SPTA1: variants seen among roughly 807,000 people sequenced by gnomAD.
SPTA1 encodes spectrin alpha chain, erythrocytic 1.
Under a neutral mutation model 324.7 loss-of-function variants are expected in SPTA1, and 177 were observed. The observed-to-expected ratio is 0.55, with a 90% CI of 0.48 to 0.62. SPTA1 has a LOEUF of 0.62. Among genes scored for constraint, SPTA1 ranks in the 20% least tolerant of loss-of-function variants. SPTA1 has a pLI of 0.00. For missense variants in SPTA1, 3,162 were observed against 2,883.6 expected, an observed-to-expected ratio of 1.10 and a Z score of -2.21; for synonymous variants, 1,195 against 1,041.3, an observed-to-expected ratio of 1.15 and a Z score of -2.84.
chr1:158,653,764 G>A (rs1167199137), intron 21 of SPTA1, among the ~76,000 whole-genome samples: 3 of 151,990 alleles, frequency 2.0e-5, no homozygotes, highest in Admixed American at 1.3e-4. Flanking sequence ...GGATTTCTTG[G>A]CAGTGGAGCG....
At chr1:158,659,597 T>TATGAAAATA (rs1449342226) in intron 18 of SPTA1, among the ~76,000 whole-genome samples, 1 of 58,618 alleles carries the variant, frequency 1.7e-5, no homozygotes, top group Admixed American at 2.0e-4. Flanking sequence ...TTAGCATTAT[T>TATGAAAATA]TTTTTTTTTT....
intron 8 of SPTA1, 61 bp from the exon 9 acceptor site, chr1:158,674,736 A>T: frequency 6.2e-7 from 1 of 1,604,648 alleles, no homozygotes; most frequent in Non-Finnish European, 8.5e-7. Flanking sequence ...GACATTGAAC[A>T]AAGATTTAGG....
chr1:158,632,957 G>A (rs745563883), intron 39 of SPTA1, among the ~76,000 whole-genome samples: 1 of 152,162 alleles, frequency 6.6e-6, no homozygotes, highest in Non-Finnish European at 1.5e-5. Flanking sequence ...TGGTTCGACT[G>A]TGATATTCTT....
At chr1:158,643,234 G>T (rs948099058) in intron 31 of SPTA1, 88 bp downstream of exon 31, 4 of 1,458,238 alleles carry the variant, frequency 2.7e-6, no homozygotes, top group Non-Finnish European at 2.9e-6. Flanking sequence ...ATGACAGGAA[G>T]CCAGAGTATT....
At chr1:158,625,732 C>T (rs1169665084) in intron 42 of SPTA1, among the ~76,000 whole-genome samples, 1 of 151,502 alleles carries the variant, frequency 6.6e-6, no homozygotes, top group Non-Finnish European at 1.5e-5. Flanking sequence ...TAAAGCTTTG[C>T]TTTGGGAAAA....
In SPTA1 at chr1:158,648,665, G is replaced by A. The variant is rs2246434; in HGVS notation, c.3570-12C>T. The A allele has an allele frequency of 0.25, 397,986 of 1,612,600 alleles. 51,402 individuals carry two copies. Among genetic ancestry groups the A allele is most frequent in the East Asian group, 0.37 (16,790 of 44,802 alleles). On this transcript the variant is annotated splice_polypyrimidine_tract_variant and intron_variant, in intron 25 of 51. Coordinates refer to ENST00000643759, the MANE Select transcript of SPTA1 (RefSeq NM_003126.4). ...TGTCATCTGCTTCTCTGGTATACAA[G>A]AGAGTAGAGAGTTCAAAAGTAAGGA... is the stretch of plus-strand genomic sequence containing the variant.
intron 39 of SPTA1, among the ~76,000 whole-genome samples, chr1:158,628,159 C>T (rs937288449): frequency 2.6e-5 from 4 of 152,122 alleles, no homozygotes; most frequent in Admixed American, 2.0e-4. Flanking sequence ...CTGCCACTGA[C>T]GATTACTCCA....
At chr1:158,662,490 C>G (rs1239342893) in intron 17 of SPTA1, among the ~76,000 whole-genome samples, 1 of 152,172 alleles carries the variant, frequency 6.6e-6, no homozygotes, top group Admixed American at 6.5e-5. Flanking sequence ...GCCCTAAATT[C>G]ATGGCATTGC....
Position 158,669,476 on chromosome 1 carries a change from C to T in SPTA1, c.1765G>A (p.Glu589Lys), listed in dbSNP as rs1653846421. ...CAGTTCTTTAGGTCATCTGAGTCCT[C>T]ATACAGTTTTTGCAGAAGCAATGAC... ...KESLLLQKLY[E>K]DSDDLKNWIN... Residue 589 changes from glutamate to lysine, a missense_variant, in exon 14 of 52, where the codon GAG becomes AAG. Glu to Lys is a moderately conservative substitution (Grantham distance 56). Coordinates refer to ENST00000643759, the MANE Select transcript of SPTA1 (RefSeq NM_003126.4). 2 of 1,614,066 alleles carry T rather than the reference C, an allele frequency of 1.2e-6. No individual in the cohort carries two copies. Among genetic ancestry groups the T allele is most frequent in the Admixed American group, 1.7e-5 (1 of 60,006 alleles).
At chr1:158,679,014 T>G (rs1010897223) in intron 5 of SPTA1, among the ~76,000 whole-genome samples, 8 of 152,200 alleles carry the variant, frequency 5.3e-5, no homozygotes, top group Non-Finnish European at 1.2e-4. Flanking sequence ...CTTTCACGTA[T>G]GATTTTGCAT....
At chr1:158,680,459 G>A in intron 5 of SPTA1, 124 bp downstream of exon 5, 1 of 1,386,278 alleles carries the variant, frequency 7.2e-7, no homozygotes, top group Non-Finnish European at 1.0e-6. Context: ...GTTACTCCAG[G>A]AACATGCCAA....
At chr1:158,631,886 T>C (rs1201111581) in intron 39 of SPTA1, among the ~76,000 whole-genome samples, 2 of 152,150 alleles carry the variant, frequency 1.3e-5, no homozygotes, top group East Asian at 3.8e-4. Flanking sequence ...ACAACATGAA[T>C]ATTCTTGAAA....
At chr1:158,611,568 C>T (rs1649263150) in intron 51 of SPTA1, 179 bp from the exon 52 acceptor site, 3 of 598,606 alleles carry the variant, frequency 5.0e-6, no homozygotes, top group Admixed American at 6.5e-5. Flanking sequence ...AGTAACTTAA[C>T]TTTTAATCTC....
chr1:158,637,383 T>A (rs889495513), intron 36 of SPTA1, among the ~76,000 whole-genome samples: 1 of 152,238 alleles, frequency 6.6e-6, no homozygotes, highest in Non-Finnish European at 1.5e-5. Context: ...CAAGCAGCTT[T>A]GTAGAAGAGA....
intron 6 of SPTA1, 130 bp from the exon 7 acceptor site, chr1:158,677,964 G>T: frequency 8.9e-7 from 1 of 1,128,938 alleles, no homozygotes; most frequent in African/African-American, 1.5e-5. Flanking sequence ...CTACATACTA[G>T]CAAAAAGTAA....
At chr1:158,669,925 T>C in intron 12 of SPTA1, 139 bp from the exon 13 acceptor site, 1 of 792,980 alleles carries the variant, frequency 1.3e-6, no homozygotes, top group Non-Finnish European at 2.2e-6. Flanking sequence ...TAAGTCCTTA[T>C]TCAGGTTTCT....
At chr1:158,628,034 C>A (rs1650399512) in intron 39 of SPTA1, among the ~76,000 whole-genome samples, 1 of 152,112 alleles carries the variant, frequency 6.6e-6, no homozygotes, top group African/African-American at 2.4e-5. Context: ...AAGATTCCTC[C>A]ATATTGAGAT....
In SPTA1 at chr1:158,683,365, A is replaced by G. The variant is rs755169411; in HGVS notation, c.390+6T>C. On this transcript the variant is annotated splice_donor_region_variant and intron_variant, in intron 3 of 51. Transcript: ENST00000643759. Reference sequence around the variant, plus strand: ...TGGAAACTTCTTCAAGGGCCCATACATATACCTTCGTTTCTTCGTGGGCAG... The same window carrying G: ...TGGAAACTTCTTCAAGGGCCCATACGTATACCTTCGTTTCTTCGTGGGCAG... 3 of 1,613,116 alleles carry G rather than the reference A, an allele frequency of 1.9e-6. No individual in the cohort carries two copies. The highest frequency in any genetic ancestry group is 2.5e-6 in the Non-Finnish European group (3 of 1,179,290).
rs533062712 is a variant in SPTA1, at chr1:158,661,231, T to C, written c.2587+56A>G. 3 of 1,613,120 alleles carry C rather than the reference T, an allele frequency of 1.9e-6. No homozygotes were observed. In the East Asian group the frequency reaches 6.7e-5, roughly 36 times the overall value. ...GAAACCCTAGGATAGTACAAACTTC[T>C]TCCCAGAGGTCTGGCCTGGTGATGT... is the stretch of plus-strand genomic sequence containing the variant. On this transcript the variant is annotated intron_variant, in intron 18 of 51. Transcript: ENST00000643759.
Sources: allele counts gnomAD v4.1 joint callset (sites outside exome capture counted in the v4.1 genomes callset), GRCh38; gene constraint gnomAD v4.1.1; transcripts MANE v1.5; gene names NCBI Gene and HGNC (gene_info 2026-07-23, HGNC 2026-07-21).